OASL: variants seen among roughly 807,000 people sequenced by gnomAD.
The protein encoded by OASL is 2'-5'-oligoadenylate synthase-like protein.
Under a neutral mutation model 35.3 loss-of-function variants are expected in OASL, and 28 were observed. That is an observed-to-expected ratio of 0.79 (90% CI 0.59 to 1.09). The LOEUF is 1.09. Ranked by LOEUF, OASL falls within the 50% of genes least tolerant of loss-of-function variation. The probability of loss-of-function intolerance (pLI) is 0.00; values close to 1 mark genes in which losing one functional copy is unlikely to be tolerated. For synonymous variants in OASL, 252 were observed against 254.6 expected (o/e 0.99, Z 0.10); for missense variants, 620 against 635.2 (o/e 0.98, Z 0.26).
intron 3 of OASL, among the ~76,000 whole-genome samples, chr12:121,029,375 AAATTCAATTT>A (rs1565905669): frequency 3.9e-5 from 6 of 152,182 alleles, no homozygotes; most frequent in Non-Finnish European, 8.8e-5. Flanking sequence ...TTGACCTTAG[AAATTCAATTT>A]TGAATTAAAA....
chr12:121,027,517 A>G (rs772595412), intron 4 of OASL, 59 bp downstream of exon 4: 13 of 1,605,538 alleles, frequency 8.1e-6, no homozygotes, highest in Admixed American at 1.7e-5. Flanking sequence ...ATGCCACGTT[A>G]CACTAGCCCG....
intron 4 of OASL, among the ~76,000 whole-genome samples, chr12:121,027,034 G>A (rs1869515485): frequency 6.6e-6 from 1 of 151,970 alleles, no homozygotes. Context: ...TCCCTAGAAC[G>A]GTAAAGGCCG....
chr12:121,038,656 T>G, intron 1 of OASL, 118 bp downstream of exon 1: 22 of 912,416 alleles, frequency 2.4e-5, no homozygotes, highest in Non-Finnish European at 3.6e-5. Context: ...TGGGGTATTC[T>G]GAGATGTCAT....
At chr12:121,017,932 T>C (rs1448130828), downstream of OASL, among the ~76,000 whole-genome samples, 1 of 152,260 alleles carries the variant, frequency 6.6e-6, no homozygotes, top group East Asian at 1.9e-4. Flanking sequence ...TTGCAGGAGT[T>C]GGCTTTAGCT....
At chr12:121,021,038 C>G in exon 6 of OASL, 2 of 1,595,596 alleles carry the variant, frequency 1.3e-6, no homozygotes, top group Non-Finnish European at 8.5e-7. Context: ...GCTCCACTGT[C>G]AAGTGGATGT....
chr12:121,038,784 T>C, exon 1 of OASL: 3 of 1,614,060 alleles, frequency 1.9e-6, no homozygotes, highest in Non-Finnish European at 2.5e-6. Context: ...CTTGACTACC[T>C]TCAGCACCCG....
At chr12:121,038,828 A>G (rs1383197033) in exon 1 of OASL, 5 of 1,613,930 alleles carry the variant, frequency 3.1e-6, no homozygotes, top group Non-Finnish European at 3.4e-6. Flanking sequence ...TCCCCTGGAA[A>G]TGCTCCTGCC....
intron 2 of OASL, 42 bp downstream of exon 2, chr12:121,033,419 G>T: frequency 1.9e-6 from 3 of 1,590,000 alleles, no homozygotes; most frequent in East Asian, 2.3e-5. Context: ...GTCTCCTGGG[G>T]TGGGCAAGTG....
chr12:121,020,351 T>G, exon 6 of OASL: 2 of 526,000 alleles, frequency 3.8e-6, no homozygotes, highest in South Asian at 2.5e-5. Context: ...CCCAGGCTGG[T>G]CTTGAACTCC....
Position 121,038,906 on chromosome 12 carries a change from C to T in OASL, c.66G>A (p.Trp22Ter). 2 of 1,614,152 alleles carry T rather than the reference C, an allele frequency of 1.2e-6. No homozygotes were observed. The highest frequency in any genetic ancestry group is 1.7e-6 in the Non-Finnish European group (2 of 1,179,992). The change falls in exon 1 of 6, where the codon TGG becomes TGA. Residue 22 changes from tryptophan (W) to a stop codon, truncating the protein, a stop_gained. Transcript: ENST00000257570. LOFTEE classifies it high-confidence loss of function. Reference sequence around the variant, plus strand: ...CCTTCCACTCCCGGTGGGGCTGCAGCCACTGAGCCACGAAGGAGTCCAGCC... The same window carrying T: ...CCTTCCACTCCCGGTGGGGCTGCAGTCACTGAGCCACGAAGGAGTCCAGCC...
rs1246489199 is a variant in OASL, at chr12:121,039,038, C to T, written c.-67G>A. On this transcript the variant is annotated 5_prime_UTR_variant, in exon 1 of 6. It adds an upstream start codon to the 5' untranslated region. Coordinates refer to ENST00000257570, the Ensembl canonical transcript of OASL. ...GGCTCCTACCCAGCTCCCTGGCACA[C>T]ACCTCCTTTTTTAAGGTAGCTCCTC... 7 of 1,366,336 alleles carry T rather than the reference C, an allele frequency of 5.1e-6. No individual in the cohort carries two copies. The highest frequency in any genetic ancestry group is 3.6e-5 in the Admixed American group (2 of 55,580). The allele number at this position is 1,366,336 out of a possible 1,614,324, so 84.6% of individuals were successfully genotyped here. A position where few individuals can be genotyped will look rare whatever the true frequency, so the allele number is the denominator to read the frequency against.
intron 4 of OASL, among the ~76,000 whole-genome samples, chr12:121,026,725 G>A (rs73214162): frequency 0.044 from 6,640 of 152,044 alleles, 174 homozygotes; most frequent in South Asian, 0.085. Flanking sequence ...GGTTGTAGGC[G>A]CCTGTAATCT....
At chr12:121,037,734 T>G (rs1451208516) in intron 1 of OASL, among the ~76,000 whole-genome samples, 1 of 149,858 alleles carries the variant, frequency 6.7e-6, no homozygotes, top group Non-Finnish European at 1.5e-5. Flanking sequence ...ATCGTGCCAC[T>G]GCACTCCAGC....
chr12:121,036,083 G>A (rs564291058), intron 1 of OASL, among the ~76,000 whole-genome samples: 22 of 152,010 alleles, frequency 1.4e-4, no homozygotes, highest in Non-Finnish European at 2.9e-4. Context: ...GGCTGGTCTC[G>A]AATTCCTGGG....
At chr12:121,031,329 C>T (rs112120050) in intron 3 of OASL, 113 bp downstream of exon 3, 21 of 1,018,316 alleles carry the variant, frequency 2.1e-5, no homozygotes, top group East Asian at 2.0e-4. Context: ...CTCTCCCTCT[C>T]TACCTGCTTC....
chr12:121,020,567 G>A, exon 6 of OASL: 1 of 1,599,918 alleles, frequency 6.3e-7, no homozygotes, highest in Non-Finnish European at 8.5e-7. Flanking sequence ...AAAACTAACT[G>A]GCTGGAAACA....
At position 121,029,335 on chromosome 12, in the gene OASL, C is replaced by T. The variant is rs529474580; in HGVS notation, c.658-1518G>A. ...GAAACCTTGGGCCTTTCCTATAGGT[C>T]ACTGACTTACTAACAAAAAAACTTT... On this transcript the variant is annotated intron_variant, in intron 3 of 5. Coordinates refer to ENST00000257570, the Ensembl canonical transcript of OASL. 4.6e-5 allele frequency among the ~76,000 whole-genome samples: 7 copies of T among 152,208 alleles called. No individual in the cohort carries two copies. In the South Asian group the frequency reaches 1.5e-3, roughly 32 times the overall value.
At chr12:121,037,954 T>C (rs1208713919) in intron 1 of OASL, among the ~76,000 whole-genome samples, 1 of 151,584 alleles carries the variant, frequency 6.6e-6, no homozygotes, top group Non-Finnish European at 1.5e-5. Flanking sequence ...TAGCTGAGCA[T>C]GGTGGTGCAT....
intron 1 of OASL, among the ~76,000 whole-genome samples, chr12:121,034,196 C>CAT (rs111614738): frequency 1.4e-5 from 2 of 146,786 alleles, no homozygotes; most frequent in Non-Finnish European, 3.0e-5. Context: ...AGCCCAGACT[C>CAT]TTTTTTTTTT....
Sources: allele counts gnomAD v4.1 joint callset (sites outside exome capture counted in the v4.1 genomes callset), GRCh38; gene constraint gnomAD v4.1.1; transcripts MANE v1.5; gene names NCBI Gene and HGNC (gene_info 2026-07-23, HGNC 2026-07-21).